Variants in PCDHGB5 observed in about 807,000 individuals in gnomAD.
The protein encoded by PCDHGB5 is protocadherin gamma subfamily B, 5.
PCDHGB5 carries 48 observed loss-of-function variants against 62.9 expected under a neutral mutation model. That is an observed-to-expected ratio of 0.76 (90% confidence interval 0.61 to 0.97). The LOEUF (loss-of-function observed/expected upper bound fraction) is 0.97. Ranked by LOEUF, PCDHGB5 falls within the 50% of genes least tolerant of loss-of-function variation. The pLI, the probability that PCDHGB5 is intolerant of heterozygous loss-of-function variation, is 0.00. For missense variants in PCDHGB5, 1,118 were observed against 1,198.6 expected (o/e 0.93, Z 0.99); for synonymous variants, 474 against 511.2 (o/e 0.93, Z 0.98).
At chr5:141,470,252 C>T (rs1010559144) in intron 1 of PCDHGB5, among the ~76,000 whole-genome samples, 3 of 152,160 alleles carry the variant, frequency 2.0e-5, no homozygotes, top group Admixed American at 1.3e-4. Context: ...TCCCACCTGT[C>T]TAAATGGAGA....
Position 141,399,946 on chromosome 5 carries a change from GC to G in PCDHGB5, c.1820del (p.Ala607ValfsTer82). 6.2e-7 allele frequency: 1 copy of G among 1,612,270 alleles called. No homozygotes were observed. The stretch of plus-strand genomic sequence containing the variant: ...CTGGCTGTCCTACCACGTGCTGCAG[GC>G]TAGCGAGCCCGGGCTCTTCAGCCTG... The part of the protein sequence containing the change: ...NAWLSYHVLQ[A>X]SEPGLFSLGL... On this transcript the variant is annotated frameshift_variant, in exon 1 of 4. Coordinates refer to ENST00000617380, the MANE Select transcript of PCDHGB5 (RefSeq NM_018925.3). LOFTEE classifies it high-confidence loss of function.
chr5:141,420,067 A>G (rs2096463342), intron 1 of PCDHGB5: 2 of 1,614,034 alleles, frequency 1.2e-6, no homozygotes, highest in East Asian at 2.2e-5. Flanking sequence ...CCAAGTCCGG[A>G]CCTGTGGGTC....
At position 141,432,595 on chromosome 5, in the gene PCDHGB5, C is replaced by G; in HGVS notation, c.2397+32071C>G. 6.2e-7 allele frequency: 1 copy of G among 1,613,756 alleles called. No individual in the cohort carries two copies. Among genetic ancestry groups the G allele is most frequent in the Admixed American group, 1.7e-5 (1 of 60,018 alleles). ...TGTCCTACCGTCTGCTCAAGGCCAG[C>G]GAGCCGGGACTCTTCTCGGTGGGTC... On this transcript the variant is annotated intron_variant, in intron 1 of 3. Transcript: ENST00000617380. This position sits in a 1 kb window ranked among gnomAD's most constrained non-coding sequence, Gnocchi z 6.0.
At chr5:141,466,325 C>T (rs1252026939) in intron 1 of PCDHGB5, among the ~76,000 whole-genome samples, 3 of 152,108 alleles carry the variant, frequency 2.0e-5, no homozygotes, top group African/African-American at 7.2e-5. Context: ...CACATGCTAC[C>T]ATGCCTGGAT....
rs534356534 is a variant in PCDHGB5 at position 141,432,344 on chromosome 5, C to G, written c.2397+31820C>G. ...CGACTACGAGCAGTTCCGAGACTTG[C>G]AAGTGAAAGTGATGGCGCGGGACAA... is the stretch of plus-strand genomic sequence containing the variant. On this transcript the variant is annotated intron_variant, in intron 1 of 3. Coordinates refer to ENST00000617380, the MANE Select transcript of PCDHGB5 (RefSeq NM_018925.3). This position sits in a 1 kb window ranked among gnomAD's most constrained non-coding sequence, Gnocchi z 6.0. 1.9e-5 allele frequency: 30 copies of G among 1,614,238 alleles called. No individual in the cohort carries two copies. In the East Asian group the frequency reaches 2.5e-4, roughly 13 times the overall value.
At position 141,476,379 on chromosome 5, in the gene PCDHGB5, T is replaced by TTCA. The variant is rs768549633; in HGVS notation, c.2398-18428_2398-18427insTCA. 9 of 1,614,126 alleles carry TTCA rather than the reference T, an allele frequency of 5.6e-6. No homozygotes were observed. The East Asian group carries it at 2.0e-4, about 36-fold the overall frequency. ...AACCGGGAGACCGGAGAGATGTTTG[T>TTCA]GAACGACCGTCTGGATCGAGAGGAG... On this transcript the variant is annotated intron_variant, in intron 1 of 3. Transcript: ENST00000617380. This position sits in a 1 kb window ranked among gnomAD's most constrained non-coding sequence, Gnocchi z 7.6.
chr5:141,507,365 C>G (rs1279257057), intron 3 of PCDHGB5: 1 of 152,092 alleles, frequency 6.6e-6, no homozygotes, highest in African/African-American at 2.4e-5. Context: ...ACTGGGAGCC[C>G]TGTACTTTTA....
chr5:141,442,317 A>T (rs1257883989), intron 1 of PCDHGB5: 2 of 152,400 alleles, frequency 1.3e-5, no homozygotes, highest in Admixed American at 6.5e-5. Context: ...ACGGATGTCT[A>T]TCCCGCGCTA....
intron 1 of PCDHGB5, among the ~76,000 whole-genome samples, chr5:141,452,082 T>A (rs924362905): frequency 3.3e-5 from 5 of 152,240 alleles, no homozygotes; most frequent in Non-Finnish European, 7.3e-5. Context: ...GTTGGCATTA[T>A]ACAGTAAGAA....
chr5:141,452,449 T>G (rs1482580788), intron 1 of PCDHGB5, among the ~76,000 whole-genome samples: 1 of 152,224 alleles, frequency 6.6e-6, no homozygotes, highest in South Asian at 2.1e-4. Flanking sequence ...TTCTAGGCCT[T>G]GTCAGCAGAC....
Position 141,476,351 on chromosome 5 carries a change from G to C in PCDHGB5, c.2398-18456G>C. On this transcript the variant is annotated intron_variant, in intron 1 of 3. Transcript: ENST00000617380. This position sits in a 1 kb window ranked among gnomAD's most constrained non-coding sequence, Gnocchi z 7.6. ...TGGAGCTAGCCGAAGATTCTTTGAG[G>C]TGAACCGGGAGACCGGAGAGATGTT... 3 of 1,614,182 alleles carry C rather than the reference G, an allele frequency of 1.9e-6. No homozygotes were observed. Among genetic ancestry groups the C allele is most frequent in the Non-Finnish European group, 2.5e-6 (3 of 1,180,046 alleles).
At chr5:141,510,525 G>A (rs545854649) in intron 3 of PCDHGB5, among the ~76,000 whole-genome samples, 1 of 152,316 alleles carries the variant, frequency 6.6e-6, no homozygotes, top group African/African-American at 2.4e-5. Context: ...ACAGCCCTGA[G>A]AGAAATACCA....
rs1427934561 is a variant in PCDHGB5, at chr5:141,511,140, CAAG to C, written c.2746_2748del (p.Lys916del). The stretch of plus-strand genomic sequence containing the variant: ...AGGCCCCAGCAGGTGGCAATGGCAA[CAAG>C]AAGAAGTCGGGCAAGAAGGAGAAGA... On this transcript the variant is annotated inframe_deletion, in exon 4 of 4. Coordinates refer to ENST00000617380, the MANE Select transcript of PCDHGB5 (RefSeq NM_018925.3). 9 of 1,614,186 alleles carry C rather than the reference CAAG, an allele frequency of 5.6e-6. No individual in the cohort carries two copies. The East Asian group carries it at 6.7e-5, about 12-fold the overall frequency.
Position 141,485,666 on chromosome 5 carries a change from A to C in PCDHGB5, c.2398-9141A>C. 1.2e-6 allele frequency: 2 copies of C among 1,612,786 alleles called. No homozygotes were observed. Among genetic ancestry groups the C allele is most frequent in the Non-Finnish European group, 1.7e-6 (2 of 1,178,960 alleles). ...GGCTCAGGATGCAGATGTGGGGAGCAATTCGATTAGCAGCTATAGGCTGAG... is the reference window on the plus strand; with the variant it reads ...GGCTCAGGATGCAGATGTGGGGAGCCATTCGATTAGCAGCTATAGGCTGAG... On this transcript the variant is annotated intron_variant, in intron 1 of 3. Transcript: ENST00000617380. This position sits in a 1 kb window ranked among gnomAD's most constrained non-coding sequence, Gnocchi z 5.7.
chr5:141,404,291 G>C, intron 1 of PCDHGB5: 1 of 1,613,956 alleles, frequency 6.2e-7, no homozygotes, highest in Non-Finnish European at 8.5e-7. Context: ...TGACATCAAT[G>C]ATAATCCACC....
chr5:141,405,435 T>C, intron 1 of PCDHGB5: 1 of 1,463,324 alleles, frequency 6.8e-7, no homozygotes, highest in Non-Finnish European at 9.3e-7. Context: ...TTGTTTTGTT[T>C]TTGAGACAGA....
chr5:141,489,246 G>A lies in PCDHGB5; in HGVS notation c.2398-5561G>A, dbSNP rs141115698. On this transcript the variant is annotated intron_variant, in intron 1 of 3. Coordinates refer to ENST00000617380, the MANE Select transcript of PCDHGB5 (RefSeq NM_018925.3). The surrounding 1 kb of genome is among the most constrained non-coding windows in gnomAD (Gnocchi z 4.5). Reference sequence around the variant, plus strand: ...CACAAAGGGACTTCTGGGTCATGGGGCCCAAGACACTCCCACAGCTCGCTG... The same window carrying A: ...CACAAAGGGACTTCTGGGTCATGGGACCCAAGACACTCCCACAGCTCGCTG... 750 of 1,544,746 alleles carry A rather than the reference G, an allele frequency of 4.9e-4. No homozygotes were observed. The highest frequency in any genetic ancestry group is 6.3e-4 in the Non-Finnish European group (726 of 1,145,538).
intron 1 of PCDHGB5, among the ~76,000 whole-genome samples, chr5:141,401,057 A>G (rs1021828194): frequency 1.3e-5 from 2 of 152,170 alleles, no homozygotes; most frequent in Non-Finnish European, 2.9e-5. Flanking sequence ...AAAATACTAT[A>G]TGTTGGCTGG....
intron 1 of PCDHGB5, chr5:141,409,656 G>A: frequency 6.2e-7 from 1 of 1,613,618 alleles, no homozygotes; most frequent in South Asian, 1.1e-5. Context: ...GGGCTCAATG[G>A]CCACATCTCC....
Sources: gnomAD v4.1 joint callset for allele counts (sites outside exome capture counted in the v4.1 genomes callset) on GRCh38, gnomAD v4.1.1 for gene constraint, Gnocchi (gnomAD v3.1) non-coding constraint, MANE v1.5 for transcripts, NCBI Gene and HGNC (gene_info 2026-07-23, HGNC 2026-07-21) for gene names.